EML1: variants seen among roughly 807,000 people sequenced by gnomAD.
EML1 encodes the protein echinoderm microtubule-associated protein-like 1.
Under a neutral mutation model 110.4 loss-of-function variants are expected in EML1, and 27 were observed. That is an observed-to-expected ratio of 0.24 (90% CI 0.18 to 0.34). The LOEUF is 0.34. Among genes scored for constraint, EML1 ranks in the 10% least tolerant of loss-of-function variants. The pLI is 1.00. For synonymous variants in EML1, 344 were observed against 385.8 expected, an observed-to-expected ratio of 0.89 and a Z score of 1.27; for missense variants, 741 against 1,030.9, an observed-to-expected ratio of 0.72 and a Z score of 3.85.
intron 3 of EML1, among the ~76,000 whole-genome samples, chr14:99,871,384 A>G (rs2059201268): frequency 6.6e-6 from 1 of 152,172 alleles, no homozygotes; most frequent in South Asian, 2.1e-4. Flanking sequence ...ACAGTGGCTC[A>G]CACCTGTAAT....
intron 1 of EML1, among the ~76,000 whole-genome samples, chr14:99,741,355 G>A (rs547821904): frequency 2.8e-4 from 43 of 152,162 alleles, no homozygotes; most frequent in Non-Finnish European, 5.6e-4. Flanking sequence ...TTGTAAGTGC[G>A]TGTGCTGGGA....
At position 99,784,358 on chromosome 14, in the gene EML1, G is replaced by T. The variant is rs2057576797; in HGVS notation, c.-27+10345G>T. Reference sequence around the variant, plus strand: ...TCTGCCCACCTTGGCCTCCTCAAGTGCTGGGATAACAGGTGTAAGCCACTG... The same window carrying T: ...TCTGCCCACCTTGGCCTCCTCAAGTTCTGGGATAACAGGTGTAAGCCACTG... On this transcript the variant is annotated intron_variant, in intron 1 of 22. Transcript: ENST00000327921. This position sits in a 1 kb window ranked among gnomAD's most constrained non-coding sequence, Gnocchi z 4.5. Among the ~76,000 whole-genome samples, 1 of 152,230 alleles carries T rather than the reference G, an allele frequency of 6.6e-6. No homozygotes were observed. Among genetic ancestry groups the T allele is most frequent in the South Asian group, 2.1e-4 (1 of 4,828 alleles).
intron 1 of EML1, among the ~76,000 whole-genome samples, chr14:99,795,806 A>C (rs1352271114): frequency 6.6e-6 from 1 of 152,212 alleles, no homozygotes; most frequent in African/African-American, 2.4e-5. Context: ...TCATATGTTC[A>C]GTATGCGTCA....
At chr14:99,823,083 C>A (rs1482650746) in intron 1 of EML1, among the ~76,000 whole-genome samples, 1 of 152,154 alleles carries the variant, frequency 6.6e-6, no homozygotes, top group Admixed American at 6.5e-5. Context: ...AAGACCCAGC[C>A]CCCTGTGCCC....
chr14:99,871,254 G>A (rs557990231), intron 3 of EML1, among the ~76,000 whole-genome samples: 1 of 152,310 alleles, frequency 6.6e-6, no homozygotes, highest in East Asian at 1.9e-4. Flanking sequence ...ACCGCACCTG[G>A]CAAGGCATTT....
At chr14:99,798,837 T>A (rs2057823796) in intron 1 of EML1, among the ~76,000 whole-genome samples, 1 of 152,226 alleles carries the variant, frequency 6.6e-6, no homozygotes, top group Non-Finnish European at 1.5e-5. Flanking sequence ...ATTACCTTTT[T>A]TTTTTGAGGG....
chr14:99,884,694 CT>C (rs370398143), intron 4 of EML1, among the ~76,000 whole-genome samples: 1 of 152,274 alleles, frequency 6.6e-6, no homozygotes, highest in Non-Finnish European at 1.5e-5. Flanking sequence ...TTAGAAAATT[CT>C]TTTTACTTTA....
intron 1 of EML1, among the ~76,000 whole-genome samples, chr14:99,828,987 A>G (rs765235002): frequency 1.3e-5 from 2 of 152,132 alleles, no homozygotes; most frequent in Non-Finnish European, 2.9e-5. Context: ...AAAAATCCAC[A>G]TAGAAGTGGA....
At chr14:99,846,359 T>A (rs1486542950) in intron 1 of EML1, among the ~76,000 whole-genome samples, 1 of 150,492 alleles carries the variant, frequency 6.6e-6, no homozygotes, top group Non-Finnish European at 1.5e-5. Context: ...CTCGGCTTAC[T>A]GCAACCTTCA....
chr14:99,807,657 A>T (rs1341830003), intron 1 of EML1, among the ~76,000 whole-genome samples: 1 of 151,588 alleles, frequency 6.6e-6, no homozygotes, highest in East Asian at 1.9e-4. Context: ...CCCTGACCTC[A>T]CTCCCCTCCC....
chr14:99,891,346 T>C (rs1302423346), intron 5 of EML1, 119 bp downstream of exon 5: 1 of 1,294,742 alleles, frequency 7.7e-7, no homozygotes, highest in Non-Finnish European at 1.1e-6. Flanking sequence ...CTTTGGTTTG[T>C]GCAGGCCCAG....
rs757227237 is a variant in EML1, at chr14:99,911,565, C to T, written c.1483C>T (p.Arg495Cys). The T allele has an allele frequency of 6.2e-6, 10 of 1,611,890 alleles. No individual in the cohort carries two copies. Among genetic ancestry groups the T allele is most frequent in the East Asian group, 2.2e-5 (1 of 44,822 alleles). Residue 495 changes from arginine (R) to cysteine (C), a missense_variant, in exon 13 of 22, where the codon CGT (arginine) becomes TGT (cysteine). By Grantham distance (180) the Arg-to-Cys change is radical. This residue lies in a region of EML1 where 388 missense variants were observed against 605.6 expected (regional missense o/e 0.64). Coordinates refer to ENST00000262233, the MANE Select transcript of EML1 (RefSeq NM_004434.3). ...TTGGAGCGGAAACTATCAAAAACTTCGTAAAACGGAGGTAAGTCATCAAGG... is the reference window on the plus strand; with the variant it reads ...TTGGAGCGGAAACTATCAAAAACTTTGTAAAACGGAGGTAAGTCATCAAGG... ...ISWSGNYQKL[R>C]KTEIPEQFGP...
At chr14:99,767,915 C>A (rs1003385276) in intron 1 of EML1, among the ~76,000 whole-genome samples, 1 of 152,076 alleles carries the variant, frequency 6.6e-6, no homozygotes, top group African/African-American at 2.4e-5. Flanking sequence ...TTCTGAACAC[C>A]CCCCACACTA....
At chr14:99,926,283 G>GC (rs145719667) in intron 17 of EML1, among the ~76,000 whole-genome samples, 1 of 130,326 alleles carries the variant, frequency 7.7e-6, no homozygotes, top group Non-Finnish European at 1.7e-5. Flanking sequence ...TGTTTTTTGG[G>GC]GTTTTTTTTT....
At chr14:99,756,480 G>A (rs998709083) in intron 1 of EML1, among the ~76,000 whole-genome samples, 4 of 152,210 alleles carry the variant, frequency 2.6e-5, no homozygotes, top group Admixed American at 6.5e-5. Context: ...ATGGCTCATC[G>A]GTTCCTTGGT....
intron 3 of EML1, among the ~76,000 whole-genome samples, chr14:99,871,702 C>CT (rs922544096): frequency 6.6e-6 from 1 of 152,114 alleles, no homozygotes; most frequent in African/African-American, 2.4e-5. Context: ...GAAATGCAGC[C>CT]TGAGGATAGG....
chr14:99,844,869 TATTACTGAGTATATTCC>T (rs2058684201), intron 1 of EML1, among the ~76,000 whole-genome samples: 1 of 152,254 alleles, frequency 6.6e-6, no homozygotes, highest in Non-Finnish European at 1.5e-5. Context: ...CATCCCATTT[TATTACTGAGTATATTCC>T]ATTGTATGAG....
At chr14:99,856,141 G>T (rs2058898590) in intron 2 of EML1, among the ~76,000 whole-genome samples, 2 of 152,172 alleles carry the variant, frequency 1.3e-5, no homozygotes, top group South Asian at 4.1e-4. Flanking sequence ...CCTCTGGGAG[G>T]TTTAGTGATT....
chr14:99,821,023 C>CT lies in EML1; in HGVS notation c.67+27499dup, dbSNP rs869159128. 8.4e-3 allele frequency among the ~76,000 whole-genome samples: 1,125 copies of CT among 133,862 alleles called. 5 individuals are homozygous for CT. Among genetic ancestry groups the CT allele is most frequent in the Middle Eastern group, 0.02 (5 of 256 alleles). 87.8% of individuals were successfully genotyped at this position (133,862 alleles called of 152,430 possible). A position where few individuals can be genotyped will look rare whatever the true frequency, so the allele number is the denominator to read the frequency against. ...ATTGCAGCAGGACTTCTTACATTTA[C>CT]TTTTTTTTTTTTTTTTTTTGGAGAC... On this transcript the variant is annotated intron_variant, in intron 1 of 21. Coordinates refer to ENST00000262233, the MANE Select transcript of EML1 (RefSeq NM_004434.3).
Sources: allele counts gnomAD v4.1 joint callset (sites outside exome capture counted in the v4.1 genomes callset), GRCh38; gene constraint gnomAD v4.1.1; regional missense constraint gnomAD v4.1.1; non-coding constraint Gnocchi (gnomAD v3.1); transcripts MANE v1.5; gene names NCBI Gene and HGNC (gene_info 2026-07-23, HGNC 2026-07-21).